The following CLVS1 variants were observed in gnomAD, a reference collection of about 807,000 sequenced individuals.
The protein encoded by CLVS1 is clavesin-1.
Under a neutral mutation model 33.1 loss-of-function variants are expected in CLVS1, and 10 were observed. The ratio of observed to expected loss-of-function variants is 0.30; its 90% CI spans 0.19 to 0.51. The LOEUF (loss-of-function observed/expected upper bound fraction) is 0.51. CLVS1 is among the 20% of genes least tolerant of loss of function. The pLI is 0.97. For synonymous variants in CLVS1, 163 were observed against 166.1 expected (o/e 0.98, Z 0.14); for missense variants, 343 against 433.4 (o/e 0.79, Z 1.85).
intron 1 of CLVS1, among the ~76,000 whole-genome samples, chr8:61,065,079 T>A (rs965023251): frequency 3.9e-5 from 6 of 152,324 alleles, no homozygotes; most frequent in African/African-American, 1.4e-4. Context: ...AATACAGTTG[T>A]CCCTCAGTAT....
intron 5 of CLVS1, among the ~76,000 whole-genome samples, 191 bp from the exon 6 acceptor site, chr8:61,499,264 C>T (rs927663014): frequency 6.6e-6 from 1 of 152,192 alleles, no homozygotes; most frequent in South Asian, 2.1e-4. Context: ...CAGCCTCAAA[C>T]TCCTGGACTC....
chr8:61,125,373 C>T (rs759093588), intron 1 of CLVS1, among the ~76,000 whole-genome samples: 1 of 152,034 alleles, frequency 6.6e-6, no homozygotes. Context: ...GGGCTAGGTG[C>T]AGAGAGCTGA....
At chr8:61,464,569 T>A (rs1817480621) in intron 5 of CLVS1, 1 of 152,196 alleles carries the variant, frequency 6.6e-6, no homozygotes, top group African/African-American at 2.4e-5. Context: ...TGAGGAAGAA[T>A]CACTAATTTT....
At chr8:61,352,881 A>T (rs1812528855) in intron 2 of CLVS1, among the ~76,000 whole-genome samples, 1 of 152,066 alleles carries the variant, frequency 6.6e-6, no homozygotes, top group Non-Finnish European at 1.5e-5. Context: ...ATTATAAGTA[A>T]TCTAGAAATG....
chr8:61,218,502 G>C (rs1379670660), intron 2 of CLVS1, among the ~76,000 whole-genome samples: 1 of 151,956 alleles, frequency 6.6e-6, no homozygotes, highest in Non-Finnish European at 1.5e-5. Context: ...AGGCTGGGAA[G>C]GATAGGAGGA....
intron 5 of CLVS1, among the ~76,000 whole-genome samples, chr8:61,485,489 T>G (rs1803843328): frequency 6.6e-6 from 1 of 152,230 alleles, no homozygotes; most frequent in Admixed American, 6.5e-5. Context: ...GCTTTTACAC[T>G]GTTGGTGGGA....
intron 3 of CLVS1, among the ~76,000 whole-genome samples, chr8:61,408,917 T>C (rs1271402972): frequency 1.3e-5 from 2 of 152,178 alleles, no homozygotes; most frequent in Non-Finnish European, 2.9e-5. Context: ...AACGATGGTC[T>C]CCATATTGTT....
intron 1 of CLVS1, among the ~76,000 whole-genome samples, chr8:61,127,904 G>A (rs1366015422): frequency 6.6e-6 from 1 of 152,160 alleles, no homozygotes; most frequent in Non-Finnish European, 1.5e-5. Flanking sequence ...ATTCCAATTA[G>A]TAGTTAAGAT....
chr8:61,042,153 C>T, the CLVS1 span, among the ~76,000 whole-genome samples: 1 of 152,184 alleles, frequency 6.6e-6, no homozygotes, highest in African/African-American at 2.4e-5. Context: ...GGCCACTTCT[C>T]TAAGAATGAG....
chr8:61,424,982 A>G (rs1343054698), intron 3 of CLVS1, among the ~76,000 whole-genome samples: 4 of 152,216 alleles, frequency 2.6e-5, no homozygotes, highest in Non-Finnish European at 5.9e-5. Flanking sequence ...TGGAGAATTT[A>G]GGATTTTGGA....
At chr8:61,096,750 G>A (rs563170961) in intron 1 of CLVS1, among the ~76,000 whole-genome samples, 1 of 152,246 alleles carries the variant, frequency 6.6e-6, no homozygotes, top group South Asian at 2.1e-4. Flanking sequence ...CTCTCTCACA[G>A]GATAGCATTT....
chr8:61,127,556 T>C (rs755133663), intron 1 of CLVS1, among the ~76,000 whole-genome samples: 7 of 152,118 alleles, frequency 4.6e-5, no homozygotes, highest in Admixed American at 6.5e-5. Context: ...AAAAAGTACC[T>C]ATACAGTGGG....
chr8:61,490,029 A>G (rs1210971663), intron 5 of CLVS1, among the ~76,000 whole-genome samples: 1 of 152,222 alleles, frequency 6.6e-6, no homozygotes, highest in Non-Finnish European at 1.5e-5. Context: ...AATTTATGGA[A>G]GTCAGGCTGG....
chr8:61,124,871 G>A (rs965403293), intron 1 of CLVS1, among the ~76,000 whole-genome samples: 1 of 152,190 alleles, frequency 6.6e-6, no homozygotes, highest in African/African-American at 2.4e-5. Context: ...TCATGTGCCA[G>A]TGAGGGTGGG....
intron 5 of CLVS1, among the ~76,000 whole-genome samples, chr8:61,467,638 A>G (rs1425912759): frequency 6.6e-6 from 1 of 152,120 alleles, no homozygotes; most frequent in East Asian, 1.9e-4. Context: ...TCGAAACTGT[A>G]TATCCCCACC....
intron 5 of CLVS1, among the ~76,000 whole-genome samples, chr8:61,484,876 A>G (rs1803813773): frequency 6.6e-6 from 1 of 152,176 alleles, no homozygotes; most frequent in Admixed American, 6.6e-5. Context: ...GGTGCTGGGA[A>G]AACTGGCTAG....
chr8:61,073,246 A>G (rs192037531), intron 1 of CLVS1, among the ~76,000 whole-genome samples: 1 of 152,322 alleles, frequency 6.6e-6, no homozygotes, highest in East Asian at 1.9e-4. Flanking sequence ...ACAATTATCT[A>G]TATTGCTTGT....
intron 2 of CLVS1, among the ~76,000 whole-genome samples, chr8:61,171,477 A>G (rs574708860): frequency 3.6e-4 from 55 of 152,264 alleles, no homozygotes; most frequent in Non-Finnish European, 6.9e-4. Context: ...AATGTAAATA[A>G]CCTACTTTGG....
At chr8:61,211,189 T>C (rs972026597) in intron 2 of CLVS1, among the ~76,000 whole-genome samples, 2 of 152,102 alleles carry the variant, frequency 1.3e-5, no homozygotes, top group African/African-American at 4.8e-5. Context: ...GGGGGTCATA[T>C]ACAATGGGCT....
Sources: allele counts gnomAD v4.1 joint callset (sites outside exome capture counted in the v4.1 genomes callset), GRCh38; gene constraint gnomAD v4.1.1; transcripts MANE v1.5; gene names NCBI Gene and HGNC (gene_info 2026-07-23, HGNC 2026-07-21).